SHISA9: variants seen among roughly 807,000 people sequenced by gnomAD.
SHISA9 encodes protein shisa-9.
Under a neutral mutation model 38.0 loss-of-function variants are expected in SHISA9, and 13 were observed. That is an observed-to-expected ratio of 0.34 (90% CI 0.22 to 0.54). The LOEUF is 0.54. Among genes scored for constraint, SHISA9 ranks in the 20% least tolerant of loss-of-function variants. SHISA9 has a pLI of 0.91. For synonymous variants in SHISA9, 275 were observed against 242.0 expected (o/e 1.14, Z -1.27); for missense variants, 538 against 575.8 (o/e 0.93, Z 0.67).
the SHISA9 span, among the ~76,000 whole-genome samples, chr16:13,310,533 C>A: frequency 6.6e-6 from 1 of 152,164 alleles, no homozygotes; most frequent in Non-Finnish European, 1.5e-5. Flanking sequence ...CATTCTAAGT[C>A]AATAAGGTTA....
the SHISA9 span, among the ~76,000 whole-genome samples, chr16:13,495,689 G>C: frequency 6.6e-6 from 1 of 151,606 alleles, no homozygotes; most frequent in South Asian, 2.1e-4. Context: ...AAAGGAAAAA[G>C]TATATAATAA....
intron 2 of SHISA9, among the ~76,000 whole-genome samples, chr16:13,133,782 A>C (rs1045582466): frequency 6.6e-6 from 1 of 152,184 alleles, no homozygotes; most frequent in African/African-American, 2.4e-5. Context: ...TCTCATTATC[A>C]TCAATTCTAT....
intron 2 of SHISA9, among the ~76,000 whole-genome samples, chr16:13,006,517 G>T (rs1480227810): frequency 6.6e-6 from 1 of 152,254 alleles, no homozygotes; most frequent in East Asian, 1.9e-4. Context: ...AAGTCACCTG[G>T]GGACTTCATT....
intron 1 of SHISA9, among the ~76,000 whole-genome samples, chr16:12,907,357 C>T (rs988343238): frequency 6.8e-6 from 1 of 147,102 alleles, no homozygotes. Flanking sequence ...CTCCCCTCTT[C>T]TCATCTTCTT....
At chr16:13,362,803 C>T in the SHISA9 span, among the ~76,000 whole-genome samples, 1 of 152,198 alleles carries the variant, frequency 6.6e-6, no homozygotes, top group Non-Finnish European at 1.5e-5. Context: ...TTCATCTTCT[C>T]ATACAGAGCC....
At chr16:13,129,437 G>A (rs2050288709) in intron 2 of SHISA9, among the ~76,000 whole-genome samples, 1 of 152,104 alleles carries the variant, frequency 6.6e-6, no homozygotes, top group South Asian at 2.1e-4. Flanking sequence ...TGAAAGACTG[G>A]GGACTAGATG....
chr16:12,948,804 T>C (rs1285132483), intron 2 of SHISA9, among the ~76,000 whole-genome samples: 1 of 152,226 alleles, frequency 6.6e-6, no homozygotes, highest in Non-Finnish European at 1.5e-5. Flanking sequence ...ATTCAGACCA[T>C]AGCAATATCC....
chr16:12,929,460 TA>T (rs1381247826), intron 2 of SHISA9, among the ~76,000 whole-genome samples: 5 of 152,076 alleles, frequency 3.3e-5, no homozygotes, highest in African/African-American at 1.2e-4. Context: ...TATGCAGCCA[TA>T]AAAAGGAACG....
chr16:13,490,531 C>A, the SHISA9 span, among the ~76,000 whole-genome samples: 3 of 152,166 alleles, frequency 2.0e-5, no homozygotes, highest in South Asian at 2.1e-4. Context: ...TGCCACTGCA[C>A]CCCAGCCTGG....
chr16:13,365,280 C>T, the SHISA9 span, among the ~76,000 whole-genome samples: 3 of 152,222 alleles, frequency 2.0e-5, no homozygotes, highest in East Asian at 5.8e-4. Flanking sequence ...TGCTCCTTAC[C>T]ACTGCATTGC....
the SHISA9 span, among the ~76,000 whole-genome samples, chr16:13,419,697 G>C: frequency 2.6e-5 from 4 of 152,242 alleles, no homozygotes; most frequent in Middle Eastern, 0.014. Context: ...TGACATTGTG[G>C]GTCACACAAT....
chr16:13,203,590 C>T (rs372904735), intron 3 of SHISA9, 41 bp downstream of exon 3: 167 of 1,433,076 alleles, frequency 1.2e-4, no homozygotes, highest in African/African-American at 2.3e-4. Context: ...TTCTCCTCTT[C>T]GCTCTCCTTT....
At chr16:13,014,451 G>A (rs1432034229) in intron 2 of SHISA9, among the ~76,000 whole-genome samples, 4 of 152,196 alleles carry the variant, frequency 2.6e-5, no homozygotes, top group African/African-American at 9.7e-5. Flanking sequence ...TAATTAAGCA[G>A]AGCAAGTGAT....
At chr16:13,451,287 C>T in the SHISA9 span, among the ~76,000 whole-genome samples, 1 of 152,300 alleles carries the variant, frequency 6.6e-6, no homozygotes, top group Non-Finnish European at 1.5e-5. Context: ...CACTGTCCTG[C>T]CTTCACCTCC....
chr16:13,549,710 G>T, the SHISA9 span, among the ~76,000 whole-genome samples: 6 of 152,178 alleles, frequency 3.9e-5, no homozygotes, highest in Non-Finnish European at 8.8e-5. Context: ...ATTTTAGATC[G>T]TGTATACAAG....
intron 2 of SHISA9, among the ~76,000 whole-genome samples, chr16:12,960,194 A>G (rs548257477): frequency 1.1e-4 from 16 of 152,322 alleles, no homozygotes; most frequent in African/African-American, 3.8e-4. Flanking sequence ...GACTGCAAAC[A>G]AGATTTTCCT....
At chr16:13,383,673 C>G in the SHISA9 span, among the ~76,000 whole-genome samples, 1 of 152,134 alleles carries the variant, frequency 6.6e-6, no homozygotes, top group African/African-American at 2.4e-5. Flanking sequence ...TATTTTGAGA[C>G]AGAGTCTTGC....
At chr16:12,994,479 GCTT>G (rs2072432177) in intron 2 of SHISA9, among the ~76,000 whole-genome samples, 1 of 152,164 alleles carries the variant, frequency 6.6e-6, no homozygotes, top group Non-Finnish European at 1.5e-5. Flanking sequence ...GTGTCCACTG[GCTT>G]CTTGTGTTCC....
At chr16:13,423,507 C>T in the SHISA9 span, among the ~76,000 whole-genome samples, 1 of 152,154 alleles carries the variant, frequency 6.6e-6, no homozygotes, top group Non-Finnish European at 1.5e-5. Flanking sequence ...CAAATCATCC[C>T]TAAGTTCTTT....
Sources: gnomAD v4.1 joint callset for allele counts (sites outside exome capture counted in the v4.1 genomes callset) on GRCh38, gnomAD v4.1.1 for gene constraint, MANE v1.5 for transcripts, NCBI Gene and HGNC (gene_info 2026-07-23, HGNC 2026-07-21) for gene names.